Variants in KLF17 observed in about 807,000 individuals in gnomAD.
KLF17 encodes Krueppel-like factor 17.
In KLF17, 31 loss-of-function variants were observed where a neutral mutation model predicts 34.2. The observed-to-expected ratio is 0.91, with a 90% CI of 0.68 to 1.22. The LOEUF (loss-of-function observed/expected upper bound fraction) is 1.22, where lower values mean the gene tolerates loss of function less well. Among genes scored for constraint, KLF17 ranks in the 50% most tolerant of loss-of-function variants. The pLI is 0.00. For synonymous variants in KLF17, 179 were observed against 186.7 expected (o/e 0.96, Z 0.34); for missense variants, 478 against 505.2 (o/e 0.95, Z 0.52).
the KLF17 span, among the ~76,000 whole-genome samples, chr1:44,102,706 C>T: frequency 2.0e-5 from 3 of 151,994 alleles, no homozygotes; most frequent in African/African-American, 7.2e-5. Flanking sequence ...TGATAATGAT[C>T]TGTCAGTGTA....
chr1:44,131,211 C>G (rs556256799), intron 3 of KLF17, among the ~76,000 whole-genome samples: 48 of 152,244 alleles, frequency 3.2e-4, no homozygotes, highest in African/African-American at 1.1e-3. Context: ...CTACACGGAG[C>G]TCTGGAGCCA....
the KLF17 span, among the ~76,000 whole-genome samples, chr1:44,055,025 C>T: frequency 7.9e-5 from 12 of 152,088 alleles, no homozygotes; most frequent in Admixed American, 5.2e-4. Context: ...GTGATCCACC[C>T]GCCTCAGCCT....
the KLF17 span, among the ~76,000 whole-genome samples, chr1:44,099,105 GA>G: frequency 4.0e-5 from 6 of 151,808 alleles, no homozygotes; most frequent in Admixed American, 6.6e-5. Context: ...GTGAGAAAGA[GA>G]AAACAAGAAA....
At chr1:44,086,490 A>C in the KLF17 span, among the ~76,000 whole-genome samples, 1 of 151,670 alleles carries the variant, frequency 6.6e-6, no homozygotes, top group Non-Finnish European at 1.5e-5. Context: ...TAAATAAATA[A>C]ATAAATAAAT....
At chr1:44,072,882 C>T in the KLF17 span, among the ~76,000 whole-genome samples, 26 of 151,966 alleles carry the variant, frequency 1.7e-4, no homozygotes, top group African/African-American at 5.6e-4. Flanking sequence ...AATCGGAAAA[C>T]GTAGCATCCC....
chr1:44,129,540 G>C lies in KLF17; in HGVS notation c.269G>C (p.Ser90Thr). 3 of 1,613,618 alleles carry C rather than the reference G, an allele frequency of 1.9e-6. No homozygotes were observed. Among genetic ancestry groups the C allele is most frequent in the Non-Finnish European group, 1.7e-6 (2 of 1,179,768 alleles). ...GTGAATGAAGGGGGGCCACAGTTCA[G>C]TATGCCACTGCCTGAGCGTGGTATG... is the stretch of plus-strand genomic sequence containing the variant. Reference protein sequence around the residue: ...QNVNEGGPQFSMPLPERGMSY... With the variant: ...QNVNEGGPQFTMPLPERGMSY... The change falls in exon 2 of 4, where the codon AGT becomes ACT. Residue 90 changes from serine (S) to threonine (T), a missense_variant. Physicochemically the swap from Ser to Thr is moderately conservative, Grantham distance 58. Coordinates refer to ENST00000372299, the MANE Select transcript of KLF17 (RefSeq NM_173484.4).
At chr1:44,073,965 A>C in the KLF17 span, among the ~76,000 whole-genome samples, 1 of 152,058 alleles carries the variant, frequency 6.6e-6, no homozygotes, top group African/African-American at 2.4e-5. Context: ...CTTATTTGCC[A>C]CTGTATCCCC....
intron 1 of KLF17, among the ~76,000 whole-genome samples, chr1:44,128,230 C>T (rs897244414): frequency 5.9e-5 from 9 of 152,072 alleles, no homozygotes; most frequent in African/African-American, 2.2e-4. Flanking sequence ...TACAGGCACA[C>T]GCCACCACAC....
the KLF17 span, chr1:44,104,523 A>G: frequency 4.2e-6 from 3 of 722,576 alleles, no homozygotes; most frequent in South Asian, 1.5e-5. Flanking sequence ...CATGGCCTGG[A>G]TGTTGAGATC....
At chr1:44,090,527 C>T in the KLF17 span, among the ~76,000 whole-genome samples, 1 of 146,154 alleles carries the variant, frequency 6.8e-6, no homozygotes, top group South Asian at 2.3e-4. Flanking sequence ...CAAGGGCAGT[C>T]CTGGAAAAAC....
the KLF17 span, among the ~76,000 whole-genome samples, chr1:44,057,418 A>G: frequency 6.6e-6 from 1 of 152,148 alleles, no homozygotes; most frequent in East Asian, 1.9e-4. Flanking sequence ...TTCCTTTGGG[A>G]AAAGGAGGTA....
chr1:44,058,904 C>T, the KLF17 span, among the ~76,000 whole-genome samples: 67 of 151,904 alleles, frequency 4.4e-4, no homozygotes, highest in African/African-American at 1.4e-3. Context: ...AACAAAATAT[C>T]GCTCCCTTCA....
At chr1:44,054,381 AC>A in the KLF17 span, among the ~76,000 whole-genome samples, 1 of 151,292 alleles carries the variant, frequency 6.6e-6, no homozygotes, top group Non-Finnish European at 1.5e-5. Context: ...CTTCAGGGTT[AC>A]CCACCCCAGG....
chr1:44,060,504 TG>T, the KLF17 span, among the ~76,000 whole-genome samples: 1 of 152,054 alleles, frequency 6.6e-6, no homozygotes, highest in Non-Finnish European at 1.5e-5. Context: ...GATGAACATA[TG>T]TTGGCCACCC....
rs2088095646 is a variant in KLF17, at chr1:44,130,553, T to A, written c.967T>A (p.Ser323Thr). The change falls in exon 3 of 4, where the codon TCT (serine) becomes ACT (threonine). Residue 323 changes from serine (S) to threonine (T), a missense_variant. Ser to Thr is a moderately conservative substitution (Grantham distance 58). Transcript: ENST00000372299. ...TTGCAACTGGGAAAGTTGTTCATGGTCTTTCTTCCGTTCTGATGAGCTTAG... is the reference window on the plus strand; with the variant it reads ...TTGCAACTGGGAAAGTTGTTCATGGACTTTCTTCCGTTCTGATGAGCTTAG... Reference protein sequence around the residue: ...YSCNWESCSWSFFRSDELRRH... With the variant: ...YSCNWESCSWTFFRSDELRRH... 1 of 1,614,130 alleles carries A rather than the reference T, an allele frequency of 6.2e-7. No individual in the cohort carries two copies. The highest frequency in any genetic ancestry group is 1.7e-5 in the Admixed American group (1 of 60,012).
chr1:44,129,347 C>T lies in KLF17; in HGVS notation c.82-6C>T. ...AGCAAAAATCACCTGACTCTTTTTC[C>T]CCAAGGATAACGAGAACTCAGCGCC... On this transcript the variant is annotated splice_region_variant and splice_polypyrimidine_tract_variant and intron_variant, in intron 1 of 3. Coordinates refer to ENST00000372299, the MANE Select transcript of KLF17 (RefSeq NM_173484.4). The T allele has an allele frequency of 6.6e-7, 1 of 1,504,112 alleles. No homozygotes were observed. Among genetic ancestry groups the T allele is most frequent in the Non-Finnish European group, 8.9e-7 (1 of 1,126,628 alleles). 93.2% of individuals were successfully genotyped at this position (1,504,112 alleles called of 1,614,324 possible). A position where few individuals can be genotyped will look rare whatever the true frequency, so the allele number is the denominator to read the frequency against.
chr1:44,069,469 C>CGAGA, the KLF17 span, among the ~76,000 whole-genome samples: 206 of 127,184 alleles, frequency 1.6e-3, 1 homozygote, highest in Non-Finnish European at 1.9e-3. This position sits in a 1 kb window ranked among gnomAD's most constrained non-coding sequence, Gnocchi z 4.7. Context: ...TGTTACATGG[C>CGAGA]GAGAGAGAGA....
the KLF17 span, among the ~76,000 whole-genome samples, chr1:44,082,573 T>G: frequency 1.3e-5 from 2 of 152,214 alleles, no homozygotes; most frequent in African/African-American, 4.8e-5. Flanking sequence ...TGAGAACAGA[T>G]TCAACACTCA....
the KLF17 span, among the ~76,000 whole-genome samples, chr1:44,058,276 ATCGCC>A: frequency 1.3e-5 from 2 of 152,190 alleles, no homozygotes; most frequent in South Asian, 2.1e-4. Context: ...TCTCCTCACC[ATCGCC>A]TTTTTTTTGT....
Sources: gnomAD v4.1 joint callset for allele counts (sites outside exome capture counted in the v4.1 genomes callset) on GRCh38, gnomAD v4.1.1 for gene constraint, Gnocchi (gnomAD v3.1) non-coding constraint, MANE v1.5 for transcripts, NCBI Gene and HGNC (gene_info 2026-07-23, HGNC 2026-07-21) for gene names.